BICRA: variants seen among roughly 807,000 people sequenced by gnomAD.
BICRA encodes the protein BRD4 interacting chromatin remodeling complex associated protein, also known as BRD4-interacting chromatin-remodeling complex-associated protein.
Under a neutral mutation model 96.9 loss-of-function variants are expected in BICRA, and 31 were observed. That is an observed-to-expected ratio of 0.32 (90% confidence interval 0.24 to 0.43). The LOEUF is 0.43. BICRA is among the 20% of genes least tolerant of loss of function. The pLI is 1.00. For synonymous variants in BICRA, 1,350 were observed against 1,071.8 expected, an observed-to-expected ratio of 1.26 and a Z score of -5.07; for missense variants, 2,283 against 2,190.3, an observed-to-expected ratio of 1.04 and a Z score of -0.84.
In BICRA at chr19:47,614,075, G is replaced by A. The variant is rs548961541; in HGVS notation, c.-108+4907G>A. Among the ~76,000 whole-genome samples the A allele has an allele frequency of 1.4e-4, 22 of 152,100 alleles. 1 individual carries two copies. In the South Asian group the frequency reaches 4.6e-3, roughly 32 times the overall value. ...CAGTCCAGGAGGAGGAGAGAGAACG[G>A]TTGGATTAGCCGCTGTGGGGTTTCA... is the stretch of plus-strand genomic sequence containing the variant. On this transcript the variant is annotated intron_variant, in intron 1 of 14. Coordinates refer to ENST00000594866, the MANE Select transcript of BICRA (RefSeq NM_001394372.1).
intron 1 of BICRA, 50 bp downstream of exon 1, chr19:47,609,218 C>G (rs957335435): frequency 1.3e-5 from 2 of 150,588 alleles, no homozygotes; most frequent in Admixed American, 1.3e-4. Flanking sequence ...TTAACTCTCT[C>G]TACCTGCGAG....
chr19:47,631,179 C>T (rs1272337304), intron 1 of BICRA, among the ~76,000 whole-genome samples: 1 of 152,144 alleles, frequency 6.6e-6, no homozygotes, highest in African/African-American at 2.4e-5. Context: ...CCTCAGCCTC[C>T]TGATAGCTGG....
At chr19:47,688,015 G>A (rs930451407) in intron 7 of BICRA, among the ~76,000 whole-genome samples, 3 of 152,036 alleles carry the variant, frequency 2.0e-5, no homozygotes, top group Non-Finnish European at 2.9e-5. Context: ...ACTGACACAC[G>A]AGATTAGCAG....
intron 1 of BICRA, among the ~76,000 whole-genome samples, chr19:47,615,136 A>G (rs1479411496): frequency 6.6e-6 from 1 of 152,128 alleles, no homozygotes; most frequent in East Asian, 1.9e-4. Context: ...GGTGCACGCC[A>G]CCACGCCCAG....
intron 1 of BICRA, among the ~76,000 whole-genome samples, chr19:47,622,158 G>A (rs969593982): frequency 6.6e-6 from 1 of 151,694 alleles, no homozygotes; most frequent in African/African-American, 2.4e-5. Flanking sequence ...GTAGAGACAG[G>A]TTTCACTATG....
intron 1 of BICRA, among the ~76,000 whole-genome samples, chr19:47,646,431 G>T (rs1972459953): frequency 2.7e-5 from 2 of 74,268 alleles, no homozygotes; most frequent in African/African-American, 1.4e-4. Context: ...CGACACACAT[G>T]CACACAGACA....
chr19:47,680,542 A>G lies in BICRA; in HGVS notation c.1372A>G (p.Ile458Val), dbSNP rs1196478898. The stretch of plus-strand genomic sequence containing the variant: ...CCACCTCCTGAACCAAGGCAGCAGC[A>G]TCGTCATCCCCGCCCAGCACATGCT... ...SVHLLNQGSS[I>V]VIPAQHMLPG... Residue 458 changes from isoleucine (I) to valine (V), a missense_variant, in exon 6 of 15, where the codon ATC (isoleucine) becomes GTC (valine). Physicochemically the swap from Ile to Val is conservative, Grantham distance 29 (BLOSUM62 3). Coordinates refer to ENST00000594866, the MANE Select transcript of BICRA (RefSeq NM_001394372.1). The G allele has an allele frequency of 1.3e-6, 2 of 1,569,812 alleles. No homozygotes were observed. The highest frequency in any genetic ancestry group is 1.2e-5 in the South Asian group (1 of 86,604).
At chr19:47,616,495 C>T (rs1294121330) in intron 1 of BICRA, among the ~76,000 whole-genome samples, 1 of 151,998 alleles carries the variant, frequency 6.6e-6, no homozygotes, top group African/African-American at 2.4e-5. Flanking sequence ...AAAAATTAGC[C>T]AGGCGTGGTG....
intron 6 of BICRA, among the ~76,000 whole-genome samples, chr19:47,681,576 GA>G (rs2123589713): frequency 6.6e-6 from 1 of 152,288 alleles, no homozygotes; most frequent in South Asian, 2.1e-4. Context: ...TGAACAGACA[GA>G]AGGGTAGGCA....
At chr19:47,676,143 A>T (rs1177288445) in intron 5 of BICRA, among the ~76,000 whole-genome samples, 1 of 152,096 alleles carries the variant, frequency 6.6e-6, no homozygotes, top group Non-Finnish European at 1.5e-5. Flanking sequence ...TGTGCCTTGC[A>T]GACCCCTTGG....
At position 47,698,727 on chromosome 19, in the gene BICRA, C is replaced by T; in HGVS notation, c.3342C>T (p.Leu1114=). 1.2e-6 allele frequency: 2 copies of T among 1,610,178 alleles called. No individual in the cohort carries two copies. The highest frequency in any genetic ancestry group is 2.7e-5 in the African/African-American group (2 of 74,948). ...FPSFEDALHR[L]LPYHVYQGAL... The stretch of plus-strand genomic sequence containing the variant: ...CCTTTGAGGACGCCCTGCATCGCCT[C>T]CTGCCCTACCATGTCTACCAGGGCG... Residue 1114 remains leucine (L), a synonymous_variant, in exon 12 of 15, where the codon CTC becomes CTT. Coordinates refer to ENST00000594866, the MANE Select transcript of BICRA (RefSeq NM_001394372.1). The surrounding 1 kb of genome is among the most constrained non-coding windows in gnomAD (Gnocchi z 4.8).
intron 7 of BICRA, among the ~76,000 whole-genome samples, chr19:47,691,544 ATATTT>A (rs1017032462): frequency 5.9e-5 from 9 of 152,046 alleles, no homozygotes; most frequent in East Asian, 1.9e-4. Flanking sequence ...TTGCCCCTTA[ATATTT>A]TATTTTATTT....
intron 7 of BICRA, among the ~76,000 whole-genome samples, chr19:47,688,876 G>A (rs914510710): frequency 6.6e-6 from 1 of 152,082 alleles, no homozygotes; most frequent in African/African-American, 2.4e-5. Context: ...GCCCGGGCTG[G>A]AGTGCAGTGG....
intron 1 of BICRA, among the ~76,000 whole-genome samples, chr19:47,642,415 G>A (rs918095177): frequency 6.6e-6 from 1 of 152,106 alleles, no homozygotes; most frequent in Non-Finnish European, 1.5e-5. Context: ...GTTAGAAACT[G>A]CCCACCTGGG....
chr19:47,645,157 T>C (rs542782822), intron 1 of BICRA, among the ~76,000 whole-genome samples: 1 of 152,316 alleles, frequency 6.6e-6, no homozygotes, highest in East Asian at 1.9e-4. Context: ...AGGATGAGGT[T>C]TGGAATCACG....
intron 5 of BICRA, among the ~76,000 whole-genome samples, chr19:47,678,304 T>G (rs779687481): frequency 8.5e-5 from 13 of 152,104 alleles, no homozygotes; most frequent in South Asian, 2.1e-4. Context: ...TTAGTAGAGA[T>G]GGTGTTTCAC....
intron 1 of BICRA, among the ~76,000 whole-genome samples, chr19:47,656,602 GT>G (rs1169009429): frequency 6.6e-6 from 1 of 151,986 alleles, no homozygotes; most frequent in African/African-American, 2.4e-5. Context: ...TTGCACAGGG[GT>G]TTTTTTTCTA....
intron 7 of BICRA, 68 bp from the exon 8 acceptor site, chr19:47,694,047 T>C: frequency 6.9e-7 from 1 of 1,443,064 alleles, no homozygotes; most frequent in South Asian, 1.4e-5. Flanking sequence ...CCCCAGTGTC[T>C]TGGGGCAACA....
In BICRA at chr19:47,680,524, C is replaced by T; in HGVS notation, c.1354C>T (p.Leu452=). Residue 452 remains leucine (L), a synonymous_variant, in exon 6 of 15, where the codon CTG becomes TTG. Coordinates refer to ENST00000594866, the MANE Select transcript of BICRA (RefSeq NM_001394372.1). ...ALSKPMSVHL[L]NQGSSIVIPA... The stretch of plus-strand genomic sequence containing the variant: ...GAGCAAACCCATGAGCGTCCACCTC[C>T]TGAACCAAGGCAGCAGCATCGTCAT... 1 of 1,549,212 alleles carries T rather than the reference C, an allele frequency of 6.5e-7. No individual in the cohort carries two copies. The highest frequency in any genetic ancestry group is 8.7e-7 in the Non-Finnish European group (1 of 1,147,674).
Sources: gnomAD v4.1 joint callset for allele counts (sites outside exome capture counted in the v4.1 genomes callset) on GRCh38, gnomAD v4.1.1 for gene constraint, Gnocchi (gnomAD v3.1) non-coding constraint, MANE v1.5 for transcripts, NCBI Gene and HGNC (gene_info 2026-07-23, HGNC 2026-07-21) for gene names.